The following SLC24A4 variants were observed in gnomAD, a reference collection of about 807,000 sequenced individuals.
The protein encoded by SLC24A4 is sodium/potassium/calcium exchanger 4.
SLC24A4 carries 53 observed loss-of-function variants against 79.0 expected under a neutral mutation model. That is an observed-to-expected ratio of 0.67 (90% CI 0.54 to 0.84). The LOEUF (loss-of-function observed/expected upper bound fraction) is 0.84. Among genes scored for constraint, SLC24A4 ranks in the 40% least tolerant of loss-of-function variants. The probability of loss-of-function intolerance (pLI) is 0.00; values close to 1 mark genes in which losing one functional copy is unlikely to be tolerated. For synonymous variants in SLC24A4, 323 were observed against 323.8 expected (o/e 1.00, Z 0.03); for missense variants, 731 against 822.0 (o/e 0.89, Z 1.35).
intron 2 of SLC24A4, among the ~76,000 whole-genome samples, chr14:92,331,698 G>C (rs1885487644): frequency 6.6e-6 from 1 of 152,190 alleles, no homozygotes; most frequent in African/African-American, 2.4e-5. Flanking sequence ...TTTTCCATCT[G>C]TAAAATGAAG....
At chr14:92,328,486 T>A (rs906800097) in intron 2 of SLC24A4, among the ~76,000 whole-genome samples, 3 of 152,170 alleles carry the variant, frequency 2.0e-5, no homozygotes, top group Non-Finnish European at 4.4e-5. Context: ...GGGGACTAGA[T>A]GAGGCAGGGC....
chr14:92,479,437 TG>T (rs1244241104), intron 12 of SLC24A4, among the ~76,000 whole-genome samples: 1 of 152,204 alleles, frequency 6.6e-6, no homozygotes, highest in East Asian at 1.9e-4. Flanking sequence ...TTTTGTCAAA[TG>T]TCTTTTCCGT....
At chr14:92,423,542 G>T (rs1346368349) in intron 2 of SLC24A4, among the ~76,000 whole-genome samples, 1 of 152,216 alleles carries the variant, frequency 6.6e-6, no homozygotes, top group Non-Finnish European at 1.5e-5. Context: ...ACAGCACTCT[G>T]AGAACACTTA....
intron 14 of SLC24A4, among the ~76,000 whole-genome samples, chr14:92,489,768 G>A (rs907723708): frequency 6.6e-6 from 1 of 152,162 alleles, no homozygotes; most frequent in South Asian, 2.1e-4. Flanking sequence ...AGCCCCGTTT[G>A]TGCAGAGCGG....
chr14:92,439,950 T>C (rs1892398829), intron 4 of SLC24A4, among the ~76,000 whole-genome samples: 1 of 152,276 alleles, frequency 6.6e-6, no homozygotes, highest in Non-Finnish European at 1.5e-5. Flanking sequence ...TTGCTCCACC[T>C]TATTCTTGGC....
chr14:92,390,292 G>A (rs184488878), intron 2 of SLC24A4, among the ~76,000 whole-genome samples: 13 of 151,938 alleles, frequency 8.6e-5, no homozygotes, highest in Admixed American at 6.6e-4. Flanking sequence ...ACGCCATCTC[G>A]CCTGCATCGA....
intron 2 of SLC24A4, among the ~76,000 whole-genome samples, chr14:92,343,862 C>G (rs951640607): frequency 6.6e-6 from 1 of 151,890 alleles, no homozygotes. Context: ...ACCACTACAC[C>G]CAGCTAATTT....
At chr14:92,359,423 A>G (rs1887370662) in intron 2 of SLC24A4, among the ~76,000 whole-genome samples, 1 of 152,164 alleles carries the variant, frequency 6.6e-6, no homozygotes, top group Admixed American at 6.5e-5. Context: ...AAAATAAAAA[A>G]TAGAAATAAA....
chr14:92,407,086 C>G (rs1685404657), intron 2 of SLC24A4, among the ~76,000 whole-genome samples: 1 of 152,218 alleles, frequency 6.6e-6, no homozygotes, highest in South Asian at 2.1e-4. Context: ...TTAGGACTTT[C>G]TTTTGCTAGA....
rs1884943972 is a variant in SLC24A4 at position 92,323,846 on chromosome 14, A to C, written c.16A>C (p.Thr6Pro). ...GCGCTCCGGGATGGCGCTCCGCGGGACCCTCCGGCCGCTCAAAGTTCGCAG... is the reference window on the plus strand; with the variant it reads ...GCGCTCCGGGATGGCGCTCCGCGGGCCCCTCCGGCCGCTCAAAGTTCGCAG... MALRG[T>P]LRPLKVRRRR... Residue 6 changes from threonine (T) to proline (P), a missense_variant, in exon 1 of 17, where the codon ACC becomes CCC. Coordinates refer to ENST00000532405, the MANE Select transcript of SLC24A4 (RefSeq NM_153646.4). The surrounding 1 kb of genome is among the most constrained non-coding windows in gnomAD (Gnocchi z 4.9). 1 of 1,585,486 alleles carries C rather than the reference A, an allele frequency of 6.3e-7. No individual in the cohort carries two copies. The highest frequency in any genetic ancestry group is 1.8e-5 in the Admixed American group (1 of 57,126).
intron 9 of SLC24A4, among the ~76,000 whole-genome samples, chr14:92,448,433 G>A (rs924011286): frequency 5.4e-5 from 8 of 148,862 alleles, no homozygotes; most frequent in South Asian, 4.2e-4. Context: ...TCCTCATACC[G>A]CGATACGTAA....
intron 2 of SLC24A4, among the ~76,000 whole-genome samples, chr14:92,413,872 G>A (rs2141800162): frequency 6.6e-6 from 1 of 152,350 alleles, no homozygotes; most frequent in South Asian, 2.1e-4. Flanking sequence ...ATTGTTGGAA[G>A]TGGTGTATTT....
rs543647548 is a variant in SLC24A4, at chr14:92,433,754, C to T, written c.242-158C>T. 5.9e-5 allele frequency among the ~76,000 whole-genome samples: 9 copies of T among 152,320 alleles called. No individual in the cohort carries two copies. The East Asian group carries it at 1.5e-3, about 26-fold the overall frequency. On this transcript the variant is annotated intron_variant, in intron 2 of 16. Coordinates refer to ENST00000532405, the MANE Select transcript of SLC24A4 (RefSeq NM_153646.4). Reference sequence around the variant, plus strand: ...ATCCAGCAACTATTTCCTGAGAGCACTGGTCTGCCCCTGGACTGAGAAATG... The same window carrying T: ...ATCCAGCAACTATTTCCTGAGAGCATTGGTCTGCCCCTGGACTGAGAAATG...
chr14:92,411,791 G>A (rs1890730185), intron 2 of SLC24A4, among the ~76,000 whole-genome samples: 1 of 152,230 alleles, frequency 6.6e-6, no homozygotes, highest in Non-Finnish European at 1.5e-5. Flanking sequence ...AAATAAGGCA[G>A]ATGCAAATGC....
At position 92,433,948 on chromosome 14, in the gene SLC24A4, A is replaced by G. The variant is rs1892022462; in HGVS notation, c.278A>G (p.Lys93Arg). ...TTCCCCACAGATCTGTTCTCCAATA[A>G]GGAGCGACAGCACGGAGCCGTCCTG... Reference protein sequence around the residue: ...HEFPTDLFSNKERQHGAVLLH... With the variant: ...HEFPTDLFSNRERQHGAVLLH... The change falls in exon 3 of 17, where the codon AAG (lysine) becomes AGG (arginine). Residue 93 changes from lysine (K) to arginine (R), a missense_variant. Coordinates refer to ENST00000532405, the MANE Select transcript of SLC24A4 (RefSeq NM_153646.4). The G allele has an allele frequency of 1.2e-6, 2 of 1,614,054 alleles. No homozygotes were observed. Among genetic ancestry groups the G allele is most frequent in the African/African-American group, 2.7e-5 (2 of 74,908 alleles).
In SLC24A4 at chr14:92,438,924, C is replaced by A. The variant is rs567570785; in HGVS notation, c.319-411C>A. 7.2e-5 allele frequency among the ~76,000 whole-genome samples: 11 copies of A among 152,282 alleles called. No homozygotes were observed. The South Asian group carries it at 1.4e-3, about 20-fold the overall frequency. ...CTGCCTTGGTCTTTCTGGTGACCTG[C>A]CCCCATCCTGAAGCTACCGAGGTGC... On this transcript the variant is annotated intron_variant, in intron 3 of 16. Coordinates refer to ENST00000532405, the MANE Select transcript of SLC24A4 (RefSeq NM_153646.4).
At chr14:92,491,310 G>A (rs1056839725) in intron 14 of SLC24A4, among the ~76,000 whole-genome samples, 2 of 152,164 alleles carry the variant, frequency 1.3e-5, no homozygotes, top group African/African-American at 4.8e-5. Flanking sequence ...ACACTGGCAT[G>A]AGTTTATTTT....
chr14:92,347,955 A>C (rs183868940), intron 2 of SLC24A4, among the ~76,000 whole-genome samples: 1 of 152,264 alleles, frequency 6.6e-6, no homozygotes, highest in Non-Finnish European at 1.5e-5. Context: ...CAAACAAACA[A>C]AAAACTTTTA....
intron 2 of SLC24A4, among the ~76,000 whole-genome samples, chr14:92,415,399 G>A (rs1426502193): frequency 6.6e-6 from 1 of 152,188 alleles, no homozygotes; most frequent in African/African-American, 2.4e-5. Flanking sequence ...CAAATGGTGG[G>A]AAATGCACCA....
Sources: gnomAD v4.1 joint callset for allele counts (sites outside exome capture counted in the v4.1 genomes callset) on GRCh38, gnomAD v4.1.1 for gene constraint, Gnocchi (gnomAD v3.1) non-coding constraint, MANE v1.5 for transcripts, NCBI Gene and HGNC (gene_info 2026-07-23, HGNC 2026-07-21) for gene names.